The following MTX2 variants were observed in gnomAD, a reference collection of about 807,000 sequenced individuals.
MTX2 encodes metaxin-2.
A neutral mutation model predicts 42.3 loss-of-function variants in MTX2; 35 were observed. The ratio of observed to expected loss-of-function variants is 0.83; its 90% CI spans 0.63 to 1.10. MTX2 has a LOEUF of 1.10. MTX2 is among the 50% of genes least tolerant of loss of function. The pLI, the probability that MTX2 is intolerant of heterozygous loss-of-function variation, is 0.00. For missense variants in MTX2, 307 were observed against 304.1 expected (o/e 1.01, Z -0.07); for synonymous variants, 119 against 100.9 (o/e 1.18, Z -1.08).
intron 3 of MTX2, among the ~76,000 whole-genome samples, chr2:176,301,088 TTATC>T (rs1333360122): frequency 3.9e-5 from 6 of 152,162 alleles, no homozygotes; most frequent in South Asian, 2.1e-4. Context: ...GTATCATTCT[TTATC>T]TAAAAATTAA....
intron 3 of MTX2, among the ~76,000 whole-genome samples, chr2:176,311,785 C>G (rs1350659461): frequency 6.6e-6 from 1 of 152,150 alleles, no homozygotes; most frequent in Non-Finnish European, 1.5e-5. Flanking sequence ...TGGAAGTGTC[C>G]CGTTTATCCA....
At chr2:176,281,221 G>T (rs1693071194) in intron 1 of MTX2, among the ~76,000 whole-genome samples, 1 of 152,086 alleles carries the variant, frequency 6.6e-6, no homozygotes, top group Admixed American at 6.5e-5. Context: ...TATGTATAGG[G>T]TGCTGTATAC....
chr2:176,297,790 A>T (rs951739385), intron 2 of MTX2, 59 bp from the exon 3 acceptor site: 134 of 1,200,710 alleles, frequency 1.1e-4, no homozygotes, highest in Non-Finnish European at 1.4e-4. Context: ...AATACTTTTT[A>T]AAAATAAAAA....
At chr2:176,282,329 T>C (rs888691752) in intron 1 of MTX2, among the ~76,000 whole-genome samples, 3 of 152,068 alleles carry the variant, frequency 2.0e-5, no homozygotes, top group African/African-American at 7.2e-5. Flanking sequence ...TAGATCATTT[T>C]AATATGAAGA....
Position 176,282,130 on chromosome 2 carries a change from T to TTTTTGTTTTTG in MTX2, c.40+12465_40+12466insGTTTTTGTTTT, listed in dbSNP as rs1693093246. Among the ~76,000 whole-genome samples the TTTTTGTTTTTG allele has an allele frequency of 7.5e-5, 10 of 133,616 alleles. No homozygotes were observed. The South Asian group carries it at 2.3e-3, about 30-fold the overall frequency. The allele number at this position is 133,616 out of a possible 152,430, so 87.7% of individuals were successfully genotyped here. The stretch of plus-strand genomic sequence containing the variant: ...ATTATTTTTAGAGTTACAGTAGTTT[T>TTTTTGTTTTTG]TTTTTTTTTTTTTTTTTTTTTTTTG... On this transcript the variant is annotated intron_variant, in intron 1 of 9. Coordinates refer to ENST00000249442, the MANE Select transcript of MTX2 (RefSeq NM_006554.5).
chr2:176,270,837 C>T (rs1692789018), intron 1 of MTX2, among the ~76,000 whole-genome samples: 1 of 151,976 alleles, frequency 6.6e-6, no homozygotes, highest in Non-Finnish European at 1.5e-5. Context: ...AGTTGGTGCT[C>T]AATAAATATT....
At chr2:176,291,859 C>A (rs1386985321) in intron 1 of MTX2, among the ~76,000 whole-genome samples, 1 of 151,954 alleles carries the variant, frequency 6.6e-6, no homozygotes, top group Admixed American at 6.6e-5. Flanking sequence ...GTGGTGCATT[C>A]AGAAACTGGA....
chr2:176,323,023 CA>C (rs1324802999), intron 3 of MTX2, among the ~76,000 whole-genome samples: 5 of 151,588 alleles, frequency 3.3e-5, no homozygotes, highest in African/African-American at 1.2e-4. Context: ...TGGAATGAAG[CA>C]ATTAATAGCT....
chr2:176,270,491 G>T, intron 1 of MTX2: 2 of 1,128,182 alleles, frequency 1.8e-6, no homozygotes. Context: ...AGAAAGTGAG[G>T]AGACTAAACA....
At chr2:176,274,848 T>C (rs1335452431) in intron 1 of MTX2, among the ~76,000 whole-genome samples, 1 of 152,174 alleles carries the variant, frequency 6.6e-6, no homozygotes, top group Non-Finnish European at 1.5e-5. Context: ...CAGAATCTCT[T>C]TATGGCAGCA....
At chr2:176,319,116 G>C (rs1684513253) in intron 3 of MTX2, among the ~76,000 whole-genome samples, 1 of 152,100 alleles carries the variant, frequency 6.6e-6, no homozygotes, top group African/African-American at 2.4e-5. Context: ...CGAGGAATAA[G>C]AGTTAGCTGA....
At chr2:176,315,978 T>C (rs1027433279) in intron 3 of MTX2, among the ~76,000 whole-genome samples, 5 of 152,174 alleles carry the variant, frequency 3.3e-5, no homozygotes, top group Non-Finnish European at 5.9e-5. Context: ...TATTTTCTGG[T>C]TTATTTGCTT....
chr2:176,280,747 G>T (rs1693060661), intron 1 of MTX2, among the ~76,000 whole-genome samples: 1 of 152,174 alleles, frequency 6.6e-6, no homozygotes, highest in Non-Finnish European at 1.5e-5. Context: ...GTTGCAAACC[G>T]CACGTAGCAG....
intron 1 of MTX2, among the ~76,000 whole-genome samples, chr2:176,291,325 A>G (rs1478578641): frequency 6.6e-6 from 1 of 152,164 alleles, no homozygotes; most frequent in East Asian, 1.9e-4. Context: ...TAGCCTGAAT[A>G]GTACAGAGTA....
chr2:176,319,420 T>G (rs1307971089), intron 3 of MTX2, among the ~76,000 whole-genome samples: 1 of 149,258 alleles, frequency 6.7e-6, no homozygotes, highest in East Asian at 2.0e-4. Context: ...TTGAAGATAG[T>G]CATGGTGATG....
intron 4 of MTX2, among the ~76,000 whole-genome samples, chr2:176,324,041 TTAAA>T (rs1290046712): frequency 2.0e-5 from 3 of 151,628 alleles, no homozygotes; most frequent in Admixed American, 1.3e-4. Context: ...AATTACTGTT[TTAAA>T]TAAATAATTC....
chr2:176,312,547 G>C (rs1684339969), intron 3 of MTX2, among the ~76,000 whole-genome samples: 1 of 152,042 alleles, frequency 6.6e-6, no homozygotes. Flanking sequence ...AAAACATAGA[G>C]CATATATTCA....
At chr2:176,296,059 A>C (rs1354180040) in intron 1 of MTX2, among the ~76,000 whole-genome samples, 1 of 152,166 alleles carries the variant, frequency 6.6e-6, no homozygotes, top group Admixed American at 6.5e-5. Context: ...TTGCTTCTTA[A>C]GTGCAGTTGA....
intron 3 of MTX2, among the ~76,000 whole-genome samples, chr2:176,321,932 A>G (rs1249384611): frequency 6.6e-6 from 1 of 152,116 alleles, no homozygotes; most frequent in Non-Finnish European, 1.5e-5. Context: ...GTAGTGCACT[A>G]TGAAAGATGA....
Sources: gnomAD v4.1 joint callset for allele counts (sites outside exome capture counted in the v4.1 genomes callset) on GRCh38, gnomAD v4.1.1 for gene constraint, MANE v1.5 for transcripts, NCBI Gene and HGNC (gene_info 2026-07-23, HGNC 2026-07-21) for gene names.